Variants in STK3 observed in about 807,000 individuals in gnomAD.
STK3 encodes the protein serine/threonine kinase 3.
Under a neutral mutation model 58.0 loss-of-function variants are expected in STK3, and 41 were observed. That is an observed-to-expected ratio of 0.71 (90% CI 0.55 to 0.92). The LOEUF (loss-of-function observed/expected upper bound fraction) is 0.92. Ranked by LOEUF, STK3 falls within the 40% of genes least tolerant of loss-of-function variation. The pLI is 0.00. For missense variants in STK3, 479 were observed against 602.7 expected (o/e 0.79, Z 2.15); for synonymous variants, 170 against 191.0 (o/e 0.89, Z 0.91).
At chr8:98,628,819 C>CAAAAAAAAAAAAAA (rs10571679) in intron 6 of STK3, among the ~76,000 whole-genome samples, 1 of 64,156 alleles carries the variant, frequency 1.6e-5, no homozygotes, top group African/African-American at 7.1e-5. Context: ...CTCCACACTC[C>CAAAAAAAAAAAAAA]AAAAAAAAAA....
chr8:98,467,963 T>C (rs1820613842), intron 10 of STK3, among the ~76,000 whole-genome samples: 1 of 152,204 alleles, frequency 6.6e-6, no homozygotes, highest in South Asian at 2.1e-4. Flanking sequence ...TATTTGTTTC[T>C]TGAAAATCTA....
At chr8:98,460,606 A>G (rs1219708459) in intron 10 of STK3, among the ~76,000 whole-genome samples, 1 of 152,208 alleles carries the variant, frequency 6.6e-6, no homozygotes. Flanking sequence ...TGTAATCTCC[A>G]TAATCTTGGT....
At chr8:98,594,303 C>A (rs977971717) in intron 7 of STK3, among the ~76,000 whole-genome samples, 2 of 152,082 alleles carry the variant, frequency 1.3e-5, no homozygotes, top group Non-Finnish European at 2.9e-5. Context: ...GAGACCCTAT[C>A]TCAAAAAATA....
At chr8:98,462,658 A>C (rs946621667) in intron 10 of STK3, among the ~76,000 whole-genome samples, 1 of 152,240 alleles carries the variant, frequency 6.6e-6, no homozygotes, top group Non-Finnish European at 1.5e-5. Flanking sequence ...ACTCACTGAC[A>C]TATTTATTGA....
intron 6 of STK3, among the ~76,000 whole-genome samples, chr8:98,689,421 AC>A (rs750952084): frequency 2.6e-5 from 4 of 152,168 alleles, no homozygotes; most frequent in Non-Finnish European, 4.4e-5. Flanking sequence ...CAAAGACATA[AC>A]AAAAAAAGAA....
At chr8:98,848,661 T>C (rs1836310782) in intron 3 of STK3, among the ~76,000 whole-genome samples, 1 of 152,262 alleles carries the variant, frequency 6.6e-6, no homozygotes, top group Non-Finnish European at 1.5e-5. Context: ...AGGTTCATCC[T>C]TGTGGTAGCA....
In STK3 at chr8:98,574,882, A is replaced by G. The variant is rs530408274; in HGVS notation, c.948+4782T>C. Among the ~76,000 whole-genome samples, 115 of 152,318 alleles carry G rather than the reference A, an allele frequency of 7.5e-4. 1 individual carries two copies. The highest frequency in any genetic ancestry group is 2.7e-3 in the African/African-American group (114 of 41,570). On this transcript the variant is annotated intron_variant, in intron 8 of 10. Coordinates refer to ENST00000419617, the MANE Select transcript of STK3 (RefSeq NM_006281.4). ...ACTTAGTTTTAATGAAGAAACTTCT[A>G]ACATTTGCTTGGCTGGATTCCAAAA... is the stretch of plus-strand genomic sequence containing the variant.
intron 6 of STK3, among the ~76,000 whole-genome samples, chr8:98,685,651 G>A (rs953392503): frequency 2.6e-5 from 4 of 152,024 alleles, no homozygotes; most frequent in Non-Finnish European, 4.4e-5. Context: ...CTTGGAAGCA[G>A]TACTGAAATT....
chr8:98,587,554 C>T (rs1292366035), intron 7 of STK3, among the ~76,000 whole-genome samples: 1 of 151,976 alleles, frequency 6.6e-6, no homozygotes, highest in Non-Finnish European at 1.5e-5. Flanking sequence ...TGGTGTGGTG[C>T]TGAAAAAAAT....
rs542209587 is a variant in STK3, at chr8:98,630,741, G to A, written c.685-34572C>T. ...AGGAGAAGGAGGAGAAGAAGGAGAA[G>A]AAGGATAAGGAGAAGGAGAAGAACA... is the stretch of plus-strand genomic sequence containing the variant. On this transcript the variant is annotated intron_variant, in intron 6 of 10. Transcript: ENST00000419617. Among the ~76,000 whole-genome samples, 7 of 151,212 alleles carry A rather than the reference G, an allele frequency of 4.6e-5. No homozygotes were observed. In the South Asian group the frequency reaches 1.5e-3, roughly 32 times the overall value.
At chr8:98,361,388 C>T in the STK3 span, among the ~76,000 whole-genome samples, 1 of 152,116 alleles carries the variant, frequency 6.6e-6, no homozygotes, top group Non-Finnish European at 1.5e-5. Flanking sequence ...TGGTGCTGGG[C>T]TGATGGTTTG....
At chr8:98,937,237 C>T (rs1292884045) in intron 1 of STK3, among the ~76,000 whole-genome samples, 1 of 152,104 alleles carries the variant, frequency 6.6e-6, no homozygotes, top group Non-Finnish European at 1.5e-5. Context: ...TCTGTGGCTC[C>T]TTACAGTCAG....
chr8:98,393,335 C>G (rs16896961), intron 3 of STK3, among the ~76,000 whole-genome samples: 8 of 152,218 alleles, frequency 5.3e-5, no homozygotes, highest in African/African-American at 1.9e-4. Flanking sequence ...TCCTATGGAT[C>G]GCCACCTCAA....
chr8:98,589,866 T>C (rs1445661861), intron 7 of STK3, among the ~76,000 whole-genome samples: 2 of 152,196 alleles, frequency 1.3e-5, no homozygotes, highest in Admixed American at 1.3e-4. Flanking sequence ...ATTTTCCAGG[T>C]GCCGTCCGTC....
At chr8:98,895,697 G>C (rs567819501) in intron 1 of STK3, among the ~76,000 whole-genome samples, 5 of 152,256 alleles carry the variant, frequency 3.3e-5, no homozygotes, top group South Asian at 2.1e-4. Flanking sequence ...TGAGTGGAGA[G>C]GGGGAGAGAA....
chr8:98,710,398 A>C (rs1826308377), intron 4 of STK3, among the ~76,000 whole-genome samples: 1 of 152,198 alleles, frequency 6.6e-6, no homozygotes, highest in South Asian at 2.1e-4. Context: ...CTAGTCAAAG[A>C]AAGGGGTGAC....
chr8:98,668,905 T>C (rs993313773), intron 6 of STK3, among the ~76,000 whole-genome samples: 2 of 152,090 alleles, frequency 1.3e-5, no homozygotes, highest in African/African-American at 4.8e-5. Flanking sequence ...AAGTGTTTTC[T>C]GTATAATTCC....
chr8:98,355,979 G>A, the STK3 span, among the ~76,000 whole-genome samples: 2 of 152,172 alleles, frequency 1.3e-5, no homozygotes, highest in African/African-American at 4.8e-5. Context: ...TCCATCAGTT[G>A]GATCCTAATG....
chr8:98,759,848 G>A (rs929313689), intron 3 of STK3, among the ~76,000 whole-genome samples: 1 of 151,998 alleles, frequency 6.6e-6, no homozygotes, highest in Non-Finnish European at 1.5e-5. Context: ...ACTGGTTCCA[G>A]GAACCCCACA....
Sources: allele counts gnomAD v4.1 joint callset (sites outside exome capture counted in the v4.1 genomes callset), GRCh38; gene constraint gnomAD v4.1.1; transcripts MANE v1.5; gene names NCBI Gene and HGNC (gene_info 2026-07-23, HGNC 2026-07-21).